Variants in CDK7 observed in about 807,000 individuals in gnomAD.
CDK7 encodes cyclin-dependent kinase 7.
Under a neutral mutation model 49.1 loss-of-function variants are expected in CDK7, and 25 were observed. The observed-to-expected ratio is 0.51, with a 90% CI of 0.37 to 0.71. The LOEUF (loss-of-function observed/expected upper bound fraction) is 0.71. CDK7 is among the 30% of genes least tolerant of loss of function. The probability of loss-of-function intolerance (pLI) is 0.00; values close to 1 mark genes in which losing one functional copy is unlikely to be tolerated. For missense variants in CDK7, 316 were observed against 411.7 expected (o/e 0.77, Z 2.01); for synonymous variants, 107 against 140.0 (o/e 0.76, Z 1.67).
chr5:69,268,960 T>C (rs575145758), intron 8 of CDK7, among the ~76,000 whole-genome samples: 1 of 147,480 alleles, frequency 6.8e-6, no homozygotes, highest in East Asian at 2.0e-4. Flanking sequence ...CTGGCCAACA[T>C]GGCAAAACCT....
At chr5:69,252,311 G>GTT in intron 2 of CDK7, 107 bp from the exon 3 acceptor site, 7 of 710,022 alleles carry the variant, frequency 9.9e-6, no homozygotes, top group East Asian at 2.8e-5. Flanking sequence ...GTTGCTAATT[G>GTT]TTTTTTTTTC....
chr5:69,255,534 A>T lies in CDK7; in HGVS notation c.297+6A>T. 1 of 1,540,916 alleles carries T rather than the reference A, an allele frequency of 6.5e-7. No homozygotes were observed. The highest frequency in any genetic ancestry group is 9.0e-7 in the Non-Finnish European group (1 of 1,114,144). Reference sequence around the variant, plus strand: ...TTATGGAAACTGATCTAGAGGTAAGATTAAGATTCCTGGAGAAATTCCTTT... The same window carrying T: ...TTATGGAAACTGATCTAGAGGTAAGTTTAAGATTCCTGGAGAAATTCCTTT... On this transcript the variant is annotated splice_donor_region_variant and intron_variant, in intron 5 of 11. Transcript: ENST00000256443.
chr5:69,271,701 A>G (rs1471538643), intron 9 of CDK7, among the ~76,000 whole-genome samples: 1 of 151,746 alleles, frequency 6.6e-6, no homozygotes, highest in Non-Finnish European at 1.5e-5. Context: ...TTGTAGAGAC[A>G]GGGTTTCTGC....
intron 2 of CDK7, among the ~76,000 whole-genome samples, chr5:69,249,065 C>CCT (rs1213228838): frequency 6.6e-5 from 10 of 151,326 alleles, no homozygotes; most frequent in Admixed American, 6.0e-4. Flanking sequence ...TTCTTCTTTG[C>CCT]CTCTCTCTCT....
In CDK7 at chr5:69,276,402, C is replaced by G; in HGVS notation, c.865-141C>G. ...TTGTAGTAATTTCCATTTGCAAATA[C>G]TTGACATTAATTTTGTTTTGTTGGG... On this transcript the variant is annotated intron_variant, in intron 10 of 11. Coordinates refer to ENST00000256443, the MANE Select transcript of CDK7 (RefSeq NM_001799.4). 1.0e-5 allele frequency: 7 copies of G among 692,884 alleles called. No homozygotes were observed. In the South Asian group the frequency reaches 1.3e-4, roughly 12 times the overall value. The allele number at this position is 692,884 out of a possible 1,614,324, so 42.9% of individuals were successfully genotyped here. A position where few individuals can be genotyped will look rare whatever the true frequency, so the allele number is the denominator to read the frequency against.
chr5:69,251,935 G>A (rs1350472001), intron 2 of CDK7, among the ~76,000 whole-genome samples: 3 of 152,144 alleles, frequency 2.0e-5, no homozygotes, highest in Non-Finnish European at 4.4e-5. Context: ...AATGTAATTT[G>A]TTATGTTTAT....
Position 69,263,138 on chromosome 5 carries a change from G to A in CDK7, c.627+834G>A, listed in dbSNP as rs535419527. Among the ~76,000 whole-genome samples the A allele has an allele frequency of 2.0e-5, 3 of 152,244 alleles. No homozygotes were observed. In the South Asian group the frequency reaches 6.2e-4, roughly 32 times the overall value. On this transcript the variant is annotated intron_variant, in intron 8 of 11. Coordinates refer to ENST00000256443, the MANE Select transcript of CDK7 (RefSeq NM_001799.4). The stretch of plus-strand genomic sequence containing the variant: ...AAAAATCCCCTGCTTCCCCTCACCA[G>A]AGAGAAAGATGCTGACTTGGAAACT...
At chr5:69,238,456 G>C (rs1749151635) in intron 2 of CDK7, among the ~76,000 whole-genome samples, 1 of 151,294 alleles carries the variant, frequency 6.6e-6, no homozygotes, top group Non-Finnish European at 1.5e-5. Context: ...CACTAAATTT[G>C]TTGTTCTTCT....
Position 69,276,642 on chromosome 5 carries a change from A to C in CDK7, c.964A>C (p.Asn322His), listed in dbSNP as rs1161752593. 1.2e-6 allele frequency: 2 copies of C among 1,614,202 alleles called. No individual in the cohort carries two copies. Among genetic ancestry groups the C allele is most frequent in the African/African-American group, 1.3e-5 (1 of 75,076 alleles). ...CPVETLKEQS[N>H]PALAIKRKRT... Reference sequence around the variant, plus strand: ...AGTGGAAACCTTAAAGGAGCAATCAAATCCAGCTTTGGCAATAAAAAGGAA... The same window carrying C: ...AGTGGAAACCTTAAAGGAGCAATCACATCCAGCTTTGGCAATAAAAAGGAA... Residue 322 changes from asparagine (N) to histidine (H), a missense_variant, in exon 11 of 12, where the codon AAT becomes CAT. By Grantham distance (68) the Asn-to-His change is moderately conservative (BLOSUM62 1). Transcript: ENST00000256443.
chr5:69,267,280 CT>C (rs1369380784), intron 8 of CDK7, among the ~76,000 whole-genome samples: 4 of 130,202 alleles, frequency 3.1e-5, no homozygotes, highest in African/African-American at 1.1e-4. Context: ...GTATTTTTCT[CT>C]ATAAGGATTC....
intron 9 of CDK7, among the ~76,000 whole-genome samples, chr5:69,271,669 G>A (rs559264626): frequency 2.6e-5 from 4 of 151,782 alleles, no homozygotes; most frequent in African/African-American, 4.8e-5. Context: ...GCACCACCAC[G>A]CCCAGCTAGT....
intron 8 of CDK7, among the ~76,000 whole-genome samples, chr5:69,268,940 C>T (rs556937009): frequency 4.0e-5 from 6 of 150,184 alleles, no homozygotes; most frequent in African/African-American, 9.8e-5. Context: ...GTCAGGGCTT[C>T]GAGACCAGCC....
At chr5:69,245,158 C>A (rs774115379) in intron 2 of CDK7, among the ~76,000 whole-genome samples, 6 of 151,894 alleles carry the variant, frequency 4.0e-5, no homozygotes, top group Non-Finnish European at 5.9e-5. Context: ...GTGTCTTTGT[C>A]TGATTTTGGT....
At chr5:69,272,041 T>G (rs555507554) in intron 9 of CDK7, among the ~76,000 whole-genome samples, 1 of 152,196 alleles carries the variant, frequency 6.6e-6, no homozygotes, top group African/African-American at 2.4e-5. Flanking sequence ...CCCTCCTGCC[T>G]CAATCTCCCA....
chr5:69,247,939 A>AT (rs1253752830), intron 2 of CDK7, among the ~76,000 whole-genome samples: 1 of 152,084 alleles, frequency 6.6e-6, no homozygotes, highest in Non-Finnish European at 1.5e-5. Flanking sequence ...TGATTGGTTC[A>AT]TTTTTTATCT....
At chr5:69,259,133 C>T (rs1750668293) in intron 6 of CDK7, among the ~76,000 whole-genome samples, 1 of 151,036 alleles carries the variant, frequency 6.6e-6, no homozygotes, top group South Asian at 2.1e-4. Flanking sequence ...CTTTGTGCTA[C>T]AATGTTGTTG....
At chr5:69,253,177 A>C (rs1410535598) in intron 3 of CDK7, among the ~76,000 whole-genome samples, 1 of 152,194 alleles carries the variant, frequency 6.6e-6, no homozygotes, top group Non-Finnish European at 1.5e-5. Context: ...CTTTCTTCCA[A>C]AGTCTTATTT....
At chr5:69,266,697 G>T (rs1751179574) in intron 8 of CDK7, among the ~76,000 whole-genome samples, 1 of 149,450 alleles carries the variant, frequency 6.7e-6, no homozygotes, top group Non-Finnish European at 1.5e-5. Context: ...TTCAGCAGGG[G>T]TGGCTTCCAG....
chr5:69,260,111 G>T (rs563055858), intron 7 of CDK7, among the ~76,000 whole-genome samples, 175 bp downstream of exon 7: 24 of 152,330 alleles, frequency 1.6e-4, no homozygotes, highest in Admixed American at 1.2e-3. Flanking sequence ...CACTTTGGGA[G>T]GCCAAGGCAG....
Sources: allele counts gnomAD v4.1 joint callset (sites outside exome capture counted in the v4.1 genomes callset), GRCh38; gene constraint gnomAD v4.1.1; transcripts MANE v1.5; gene names NCBI Gene and HGNC (gene_info 2026-07-23, HGNC 2026-07-21).